SAMSN1: variants seen among roughly 807,000 people sequenced by gnomAD.
SAMSN1 encodes SAM domain, SH3 domain and nuclear localization signals 1.
SAMSN1 carries 31 observed loss-of-function variants against 42.0 expected under a neutral mutation model. That is an observed-to-expected ratio of 0.74 (90% CI 0.55 to 1.00). The LOEUF (loss-of-function observed/expected upper bound fraction) is 1.00, where lower values mean the gene tolerates loss of function less well. Among genes scored for constraint, SAMSN1 ranks in the 50% least tolerant of loss-of-function variants. The probability of loss-of-function intolerance (pLI) is 0.00; values close to 1 mark genes in which losing one functional copy is unlikely to be tolerated. For synonymous variants in SAMSN1, 178 were observed against 151.9 expected, an observed-to-expected ratio of 1.17 and a Z score of -1.26; for missense variants, 464 against 439.4, an observed-to-expected ratio of 1.06 and a Z score of -0.50.
intron 2 of SAMSN1, among the ~76,000 whole-genome samples, chr21:14,571,506 T>G (rs1981299430): frequency 6.6e-6 from 1 of 152,210 alleles, no homozygotes; most frequent in Admixed American, 6.5e-5. Context: ...TAGAGTGAAT[T>G]CAACCACTTG....
At chr21:14,529,297 T>C (rs769207131) in intron 1 of SAMSN1, among the ~76,000 whole-genome samples, 1 of 152,336 alleles carries the variant, frequency 6.6e-6, no homozygotes, top group South Asian at 2.1e-4. Flanking sequence ...TTAGTGCATA[T>C]TGATTGCTGT....
intron 1 of SAMSN1, among the ~76,000 whole-genome samples, chr21:14,582,863 G>A (rs1981793361): frequency 1.4e-5 from 2 of 148,110 alleles, no homozygotes; most frequent in African/African-American, 5.3e-5. Flanking sequence ...AAGGTCATGT[G>A]TATAATAAAG....
chr21:14,649,595 C>T (rs996202284), intron 1 of SAMSN1, among the ~76,000 whole-genome samples: 2 of 152,012 alleles, frequency 1.3e-5, no homozygotes, highest in African/African-American at 4.8e-5. Flanking sequence ...CCTGGTTAAA[C>T]CCCATGTCTA....
chr21:14,527,341 A>C (rs1978929005), intron 1 of SAMSN1, among the ~76,000 whole-genome samples: 1 of 152,236 alleles, frequency 6.6e-6, no homozygotes, highest in African/African-American at 2.4e-5. Context: ...CTCTTAAAAT[A>C]ATCAGTTAGA....
chr21:14,654,265 C>T (rs1983879568), intron 1 of SAMSN1, among the ~76,000 whole-genome samples: 1 of 152,110 alleles, frequency 6.6e-6, no homozygotes, highest in African/African-American at 2.4e-5. Context: ...ACCTTTAGAA[C>T]ATTTGGCCAA....
intron 1 of SAMSN1, among the ~76,000 whole-genome samples, chr21:14,543,190 C>T (rs1329347380): frequency 1.3e-5 from 2 of 152,056 alleles, no homozygotes; most frequent in African/African-American, 4.8e-5. Context: ...CAAGAATTTA[C>T]CAGTTTCTGT....
At chr21:14,584,383 T>C (rs1192258242), upstream of SAMSN1, among the ~76,000 whole-genome samples, 1 of 152,222 alleles carries the variant, frequency 6.6e-6, no homozygotes, top group Admixed American at 6.5e-5. Flanking sequence ...TTTTAGAATA[T>C]GTGTCACTTG....
intron 5 of SAMSN1, among the ~76,000 whole-genome samples, chr21:14,609,120 C>T (rs970023061): frequency 6.6e-6 from 1 of 151,872 alleles, no homozygotes; most frequent in Non-Finnish European, 1.5e-5. Context: ...ATTAACATAT[C>T]AATGTTATCT....
intron 1 of SAMSN1, among the ~76,000 whole-genome samples, chr21:14,658,591 A>G (rs1269228023): frequency 6.6e-6 from 1 of 151,972 alleles, no homozygotes; most frequent in Admixed American, 6.6e-5. Context: ...CTTTAATGAA[A>G]GCATCCTTTC....
intron 3 of SAMSN1, among the ~76,000 whole-genome samples, chr21:14,614,644 C>T (rs1982789392): frequency 2.0e-5 from 3 of 152,122 alleles, no homozygotes; most frequent in Non-Finnish European, 4.4e-5. Flanking sequence ...CAAAAACATG[C>T]ATATATAAGG....
intron 5 of SAMSN1, 130 bp downstream of exon 5, chr21:14,510,180 G>A: frequency 1.2e-6 from 1 of 857,652 alleles, no homozygotes; most frequent in South Asian, 1.6e-5. Flanking sequence ...AGTACTGTAA[G>A]CTAGCCTCCA....
rs1049225473 is a variant in SAMSN1 at position 14,485,506 on chromosome 21, C to T, written c.*406G>A. The T allele has an allele frequency of 2.5e-5, 4 of 157,812 alleles. No homozygotes were observed. The highest frequency in any genetic ancestry group is 4.2e-5 in the Non-Finnish European group (3 of 71,426). 9.8% of individuals were successfully genotyped at this position (157,812 alleles called of 1,614,324 possible). ...AATGAATATAACATTGCTTGGACAA[C>T]TTGTTTCAACAGCGAATCCTCTATT... On this transcript the variant is annotated 3_prime_UTR_variant, in exon 8 of 8. Transcript: ENST00000400566.
chr21:14,643,131 C>G, exon 2 of SAMSN1: 1 of 716,772 alleles, frequency 1.4e-6, no homozygotes, highest in African/African-American at 1.7e-5. Flanking sequence ...CCATAGAGCC[C>G]TCCTGCAATA....
intron 2 of SAMSN1, chr21:14,619,673 T>A (rs1370415662): frequency 6.1e-6 from 2 of 327,652 alleles, no homozygotes; most frequent in Non-Finnish European, 1.3e-5. Flanking sequence ...TGGCTGATAT[T>A]CCTATAACAA....
intron 4 of SAMSN1, among the ~76,000 whole-genome samples, chr21:14,512,133 G>C (rs75133679): frequency 0.2 from 30,804 of 151,960 alleles, 3,776 homozygotes; most frequent in African/African-American, 0.35. Context: ...CAAGATAAAG[G>C]TGGCTCACTC....
intron 4 of SAMSN1, 22 bp from the exon 5 acceptor site, chr21:14,510,483 A>G: frequency 6.2e-7 from 1 of 1,613,824 alleles, no homozygotes; most frequent in South Asian, 1.1e-5. Flanking sequence ...AGAAGTTCAC[A>G]GTTGTCATGG....
At chr21:14,537,850 G>T (rs1445357009) in intron 1 of SAMSN1, among the ~76,000 whole-genome samples, 1 of 152,112 alleles carries the variant, frequency 6.6e-6, no homozygotes, top group Non-Finnish European at 1.5e-5. Flanking sequence ...TCGTAGGCCT[G>T]GGGGAGACTG....
chr21:14,552,464 T>C (rs1456588311), intron 2 of SAMSN1, among the ~76,000 whole-genome samples: 1 of 152,052 alleles, frequency 6.6e-6, no homozygotes, highest in African/African-American at 2.4e-5. Flanking sequence ...TTAGTGCCCT[T>C]ATAAAAGAGG....
chr21:14,626,748 T>A (rs1478421010), intron 2 of SAMSN1, among the ~76,000 whole-genome samples: 2 of 152,216 alleles, frequency 1.3e-5, no homozygotes, highest in African/African-American at 2.4e-5. Context: ...AACTAGAAAT[T>A]CCATTTGAGC....
Sources: allele counts gnomAD v4.1 joint callset (sites outside exome capture counted in the v4.1 genomes callset), GRCh38; gene constraint gnomAD v4.1.1; transcripts MANE v1.5; gene names NCBI Gene and HGNC (gene_info 2026-07-23, HGNC 2026-07-21).